The following HDHD2 variants were observed in gnomAD, a reference collection of about 807,000 sequenced individuals.
The protein encoded by HDHD2 is haloacid dehalogenase-like hydrolase domain-containing protein 2.
In HDHD2, 26 loss-of-function variants were observed where a neutral mutation model predicts 24.8. The observed-to-expected ratio is 1.05, with a 90% CI of 0.77 to 1.45. HDHD2 has a LOEUF of 1.45. Among genes scored for constraint, HDHD2 ranks in the 40% most tolerant of loss-of-function variants. The pLI is 0.00. For missense variants in HDHD2, 299 were observed against 313.4 expected, an observed-to-expected ratio of 0.95 and a Z score of 0.35; for synonymous variants, 128 against 114.9, an observed-to-expected ratio of 1.11 and a Z score of -0.73.
At chr18:47,135,672 A>G (rs932251506) in intron 2 of HDHD2, among the ~76,000 whole-genome samples, 2 of 152,248 alleles carry the variant, frequency 1.3e-5, no homozygotes, top group East Asian at 1.9e-4. Flanking sequence ...AAATTATTTT[A>G]GGATAAAGAT....
chr18:47,130,126 C>A, intron 4 of HDHD2, 118 bp downstream of exon 4: 1 of 597,876 alleles, frequency 1.7e-6, no homozygotes, highest in South Asian at 2.5e-5. Flanking sequence ...GATGTCTATC[C>A]TAATGTACAA....
At chr18:47,118,501 T>C (rs1286127754) in intron 4 of HDHD2, among the ~76,000 whole-genome samples, 2 of 152,086 alleles carry the variant, frequency 1.3e-5, no homozygotes, top group Non-Finnish European at 2.9e-5. Flanking sequence ...AAACACTACA[T>C]GTTCTCACTT....
Position 47,114,441 on chromosome 18 carries a change from G to A in HDHD2, c.612+691C>T, listed in dbSNP as rs549366590. Among the ~76,000 whole-genome samples the A allele has an allele frequency of 6.6e-5, 10 of 152,308 alleles. No homozygotes were observed. In the South Asian group the frequency reaches 2.1e-3, roughly 32 times the overall value. On this transcript the variant is annotated intron_variant, in intron 5 of 6. Coordinates refer to ENST00000300605, the MANE Select transcript of HDHD2 (RefSeq NM_032124.5). The stretch of plus-strand genomic sequence containing the variant: ...CATTTGTGACGATCCCTCCCAGCTT[G>A]ACATGTTATTATTTAAAAATTGAAA...
chr18:47,111,152 T>G (rs921393740), intron 6 of HDHD2: 1 of 985,280 alleles, frequency 1.0e-6, no homozygotes, highest in African/African-American at 1.7e-5. Flanking sequence ...AGAGCTGTAC[T>G]TAGTTGATTT....
rs1427790615 is a variant in HDHD2, at chr18:47,150,456, G to A, written c.-89C>T. ...CACCCGCACTGGCCGCGGGTCCTCA[G>A]CCGGGATAGACAGCCCCGCTGCTGC... On this transcript the variant is annotated 5_prime_UTR_variant, in exon 1 of 7. Transcript: ENST00000300605. 2 of 152,374 alleles carry A rather than the reference G, an allele frequency of 1.3e-5. No individual in the cohort carries two copies. Among genetic ancestry groups the A allele is most frequent in the Admixed American group, 6.5e-5 (1 of 15,292 alleles). The allele number at this position is 152,374 out of a possible 1,614,324, so 9.4% of individuals were successfully genotyped here. A position where few individuals can be genotyped will look rare whatever the true frequency, so the allele number is the denominator to read the frequency against.
rs192273839 is a variant in HDHD2 at position 47,108,599 on chromosome 18, C to T, written c.*83G>A. On this transcript the variant is annotated 3_prime_UTR_variant, in exon 7 of 7. Transcript: ENST00000300605. ...GCGATCAGCACTGACTGGTGTCTAC[C>T]GATGCTGGCACTGAGTTGGTAAGGG... 35 of 727,102 alleles carry T rather than the reference C, an allele frequency of 4.8e-5. No homozygotes were observed. Among genetic ancestry groups the T allele is most frequent in the Middle Eastern group, 5.0e-4 (2 of 4,034 alleles). 45.0% of individuals were successfully genotyped at this position (727,102 alleles called of 1,614,324 possible).
rs139832816 is a variant in HDHD2, at chr18:47,132,911, A to G, written c.310+1585T>C. Among the ~76,000 whole-genome samples, 41 of 152,342 alleles carry G rather than the reference A, an allele frequency of 2.7e-4. No individual in the cohort carries two copies. In the East Asian group the frequency reaches 7.5e-3, roughly 28 times the overall value. Reference sequence around the variant, plus strand: ...ACTTTAAACAAAGAGGTCCTGGTGTATCTCATTTAATCAAGTTAATTTAGT... The same window carrying G: ...ACTTTAAACAAAGAGGTCCTGGTGTGTCTCATTTAATCAAGTTAATTTAGT... On this transcript the variant is annotated intron_variant, in intron 3 of 6. Transcript: ENST00000300605.
At chr18:47,140,891 T>TAGAAAATTATTGTCTACATAG (rs1354969546) in intron 1 of HDHD2, among the ~76,000 whole-genome samples, 1 of 152,190 alleles carries the variant, frequency 6.6e-6, no homozygotes, top group African/African-American at 2.4e-5. Flanking sequence ...ATTATCTACA[T>TAGAAAATTATTGTCTACATAG]AGAAAATTAT....
chr18:47,112,157 AAT>A (rs1256134977), intron 6 of HDHD2, among the ~76,000 whole-genome samples: 1 of 152,228 alleles, frequency 6.6e-6, no homozygotes, highest in Non-Finnish European at 1.5e-5. Flanking sequence ...CCAATGCAAT[AAT>A]ATTCAGCCCC....
chr18:47,146,678 C>T (rs2668761), intron 1 of HDHD2, among the ~76,000 whole-genome samples: 85,260 of 152,066 alleles, frequency 0.56, 24,026 homozygotes, highest in Middle Eastern at 0.61. Flanking sequence ...CTTACATTCA[C>T]ACACATCACC....
intron 3 of HDHD2, among the ~76,000 whole-genome samples, chr18:47,131,101 A>G (rs2063709476): frequency 6.6e-6 from 1 of 152,028 alleles, no homozygotes; most frequent in Non-Finnish European, 1.5e-5. Flanking sequence ...CTCAGCCTCC[A>G]GAATAGCTGG....
At chr18:47,147,333 T>C (rs2063881725) in intron 1 of HDHD2, among the ~76,000 whole-genome samples, 2 of 152,212 alleles carry the variant, frequency 1.3e-5, no homozygotes. Context: ...ATTTCTGATC[T>C]TTATTGTGAC....
chr18:47,123,524 T>TTACA (rs2063627095), intron 4 of HDHD2, among the ~76,000 whole-genome samples: 1 of 151,960 alleles, frequency 6.6e-6, no homozygotes, highest in South Asian at 2.1e-4. Context: ...GAGGCAGAGG[T>TTACA]TACAGTGAGC....
At chr18:47,131,138 C>T (rs962463939) in intron 3 of HDHD2, among the ~76,000 whole-genome samples, 3 of 152,062 alleles carry the variant, frequency 2.0e-5, no homozygotes, top group Admixed American at 6.6e-5. Flanking sequence ...CAACCACACC[C>T]GGCTAATTTT....
intron 4 of HDHD2, among the ~76,000 whole-genome samples, chr18:47,115,754 G>A (rs2063553651): frequency 6.6e-6 from 1 of 152,128 alleles, no homozygotes; most frequent in Non-Finnish European, 1.5e-5. Flanking sequence ...CTACACAATT[G>A]TTGCTGCAGT....
intron 4 of HDHD2, among the ~76,000 whole-genome samples, chr18:47,126,692 T>C (rs973315760): frequency 3.9e-5 from 6 of 152,026 alleles, no homozygotes; most frequent in Admixed American, 2.6e-4. Flanking sequence ...TGGAGAGCAG[T>C]TTCTTAATAT....
chr18:47,132,618 CTGAT>C (rs1181418920), intron 3 of HDHD2, among the ~76,000 whole-genome samples: 1 of 152,122 alleles, frequency 6.6e-6, no homozygotes, highest in Admixed American at 6.6e-5. Context: ...AATAATAATT[CTGAT>C]TGATACATTG....
At chr18:47,132,034 T>A (rs955742806) in intron 3 of HDHD2, among the ~76,000 whole-genome samples, 43 of 152,332 alleles carry the variant, frequency 2.8e-4, no homozygotes, top group African/African-American at 9.9e-4. Flanking sequence ...GGGACTTTTT[T>A]AAAAGCCTCC....
At chr18:47,119,249 C>T (rs1172237041) in intron 4 of HDHD2, among the ~76,000 whole-genome samples, 1 of 152,148 alleles carries the variant, frequency 6.6e-6, no homozygotes, top group African/African-American at 2.4e-5. Flanking sequence ...GTTTAATCTT[C>T]CTTTCATGAA....
Sources: allele counts gnomAD v4.1 joint callset (sites outside exome capture counted in the v4.1 genomes callset), GRCh38; gene constraint gnomAD v4.1.1; transcripts MANE v1.5; gene names NCBI Gene and HGNC (gene_info 2026-07-23, HGNC 2026-07-21).